The following PALLD variants were observed in gnomAD, a reference collection of about 807,000 sequenced individuals.
PALLD encodes the protein palladin.
Under a neutral mutation model 123.5 loss-of-function variants are expected in PALLD, and 61 were observed. The ratio of observed to expected loss-of-function variants is 0.49; its 90% CI spans 0.40 to 0.61. The LOEUF is 0.61. Ranked by LOEUF, PALLD falls within the 20% of genes least tolerant of loss-of-function variation. The probability of loss-of-function intolerance (pLI) is 0.00; values close to 1 mark genes in which losing one functional copy is unlikely to be tolerated. For missense variants in PALLD, 1,273 were observed against 1,377.0 expected (o/e 0.92, Z 1.20); for synonymous variants, 465 against 496.4 (o/e 0.94, Z 0.84).
At chr4:168,511,333 A>C (rs1028765697) in intron 1 of PALLD, 90 bp from the exon 2 acceptor site, 1 of 607,808 alleles carries the variant, frequency 1.6e-6, no homozygotes, top group Non-Finnish European at 2.9e-6. Context: ...CATTCACTTT[A>C]ATGTTTCTCC....
intron 2 of PALLD, among the ~76,000 whole-genome samples, chr4:168,557,379 A>C (rs1406795044): frequency 6.6e-6 from 1 of 152,146 alleles, no homozygotes; most frequent in Non-Finnish European, 1.5e-5. Context: ...TGCCCTATAG[A>C]GTTCCATGCA....
At chr4:168,603,766 A>G (rs912350888) in intron 2 of PALLD, among the ~76,000 whole-genome samples, 6 of 152,222 alleles carry the variant, frequency 3.9e-5, no homozygotes, top group African/African-American at 9.6e-5. Flanking sequence ...TATTCTTTCC[A>G]TATTTCCCAA....
intron 10 of PALLD, among the ~76,000 whole-genome samples, chr4:168,795,808 A>G (rs1738411274): frequency 6.6e-6 from 1 of 151,854 alleles, no homozygotes; most frequent in African/African-American, 2.4e-5. Flanking sequence ...TCTGTGCTCA[A>G]CAGAATTCTC....
chr4:168,666,614 A>G (rs1431341006), intron 2 of PALLD, among the ~76,000 whole-genome samples: 5 of 152,216 alleles, frequency 3.3e-5, no homozygotes, highest in Non-Finnish European at 7.3e-5. Context: ...TTCGACAGAA[A>G]CAGAGGATTA....
intron 2 of PALLD, among the ~76,000 whole-genome samples, chr4:168,657,437 C>A (rs1778693519): frequency 1.3e-5 from 2 of 152,140 alleles, no homozygotes; most frequent in South Asian, 2.1e-4. Flanking sequence ...GAAACTATAA[C>A]CCCAAATGAG....
intron 1 of PALLD, among the ~76,000 whole-genome samples, chr4:168,503,591 G>A (rs1579994595): frequency 6.6e-6 from 1 of 150,380 alleles, no homozygotes; most frequent in Admixed American, 6.6e-5. Flanking sequence ...AGGTTGCAGT[G>A]AGCCAAGATG....
chr4:168,644,524 T>C (rs967909103), intron 2 of PALLD, among the ~76,000 whole-genome samples: 2 of 152,326 alleles, frequency 1.3e-5, no homozygotes, highest in Admixed American at 1.3e-4. Flanking sequence ...AGTAACCACC[T>C]GTTCCGTCCC....
chr4:168,709,222 C>A (rs1049533106), intron 9 of PALLD, 75 bp downstream of exon 9: 1 of 1,521,552 alleles, frequency 6.6e-7, no homozygotes, highest in East Asian at 2.3e-5. Flanking sequence ...AGAAAGGCAC[C>A]GTCCTGGCCA....
In PALLD at chr4:168,925,244, T is replaced by C; in HGVS notation, c.3370T>C (p.Ter1124GlnextTer1). 6.2e-7 allele frequency: 1 copy of C among 1,609,274 alleles called. No individual in the cohort carries two copies. Among genetic ancestry groups the C allele is most frequent in the Non-Finnish European group, 8.5e-7 (1 of 1,175,582 alleles). ...ARLDVYISRH* is the reference protein window; with the variant it reads ...ARLDVYISRHQ ...CTTTCTATTTGTAGTTTCTCGACAT[T>C]AATAGTGAACCACACCAGGAGAACA... Residue 1124 changes from the stop codon to glutamine (Q), a stop_lost, in exon 21 of 22, where the codon TAA (stop) becomes CAA (glutamine). Coordinates refer to ENST00000505667, the MANE Select transcript of PALLD (RefSeq NM_001166108.2).
At chr4:168,878,492 C>T (rs1363887648) in intron 10 of PALLD, 4 of 811,904 alleles carry the variant, frequency 4.9e-6, no homozygotes, top group Non-Finnish European at 7.1e-6. Flanking sequence ...CAGCCTGCAA[C>T]CCAGAGCGCC....
intron 2 of PALLD, among the ~76,000 whole-genome samples, chr4:168,530,121 T>TTGATAGAAATGG (rs1764466460): frequency 6.6e-6 from 1 of 152,226 alleles, no homozygotes; most frequent in Admixed American, 6.5e-5. Context: ...TGAATGTACT[T>TTGATAGAAATGG]TGATAGAAAT....
intron 2 of PALLD, among the ~76,000 whole-genome samples, chr4:168,617,588 G>A (rs115992790): frequency 0.012 from 1,901 of 152,234 alleles, 32 homozygotes; most frequent in African/African-American, 0.043. Context: ...GGGATGAAGA[G>A]CAAAGACTAT....
intron 2 of PALLD, among the ~76,000 whole-genome samples, chr4:168,519,654 T>A (rs570511671): frequency 6.8e-6 from 1 of 146,482 alleles, no homozygotes; most frequent in East Asian, 2.1e-4. Flanking sequence ...CTTCTTGTTT[T>A]TAAGGAAAAA....
At chr4:168,636,339 G>T (rs533533742) in intron 2 of PALLD, among the ~76,000 whole-genome samples, 1 of 152,274 alleles carries the variant, frequency 6.6e-6, no homozygotes, top group East Asian at 1.9e-4. Context: ...AATAAAATTA[G>T]CCCAGTGTGG....
intron 10 of PALLD, among the ~76,000 whole-genome samples, chr4:168,811,075 T>C (rs1351807649): frequency 6.6e-6 from 1 of 152,118 alleles, no homozygotes; most frequent in African/African-American, 2.4e-5. Context: ...TTTGGTGACT[T>C]AAGGAGAATG....
intron 12 of PALLD, among the ~76,000 whole-genome samples, chr4:168,895,123 C>T (rs2151221065): frequency 6.6e-6 from 1 of 152,192 alleles, no homozygotes; most frequent in East Asian, 1.9e-4. Context: ...GTGGCTCATG[C>T]CTGTAATTGT....
At chr4:168,723,263 AC>A (rs1431385584) in intron 10 of PALLD, among the ~76,000 whole-genome samples, 5 of 152,202 alleles carry the variant, frequency 3.3e-5, no homozygotes, top group Non-Finnish European at 1.5e-5. Context: ...AGCAGGGAAG[AC>A]AGAATGACTG....
chr4:168,690,770 A>C (rs754238267), intron 7 of PALLD, 26 bp downstream of exon 7: 90 of 1,612,420 alleles, frequency 5.6e-5, no homozygotes, highest in Non-Finnish European at 7.0e-5. Flanking sequence ...CATGTCCCCA[A>C]ATCTGACCAT....
At chr4:168,520,312 C>T (rs1319626624) in intron 2 of PALLD, among the ~76,000 whole-genome samples, 4 of 116,694 alleles carry the variant, frequency 3.4e-5, no homozygotes, top group East Asian at 2.5e-4. Context: ...GGTGACAGAG[C>T]GAAGATTCCG....
Sources: gnomAD v4.1 joint callset for allele counts (sites outside exome capture counted in the v4.1 genomes callset) on GRCh38, gnomAD v4.1.1 for gene constraint, MANE v1.5 for transcripts, NCBI Gene and HGNC (gene_info 2026-07-23, HGNC 2026-07-21) for gene names.